STAT6: variants seen among roughly 807,000 people sequenced by gnomAD.
STAT6 encodes the protein STAT, interleukin4-induced.
In STAT6, 45 loss-of-function variants were observed where a neutral mutation model predicts 106.3. The ratio of observed to expected loss-of-function variants is 0.42; its 90% confidence interval spans 0.33 to 0.54. The LOEUF is 0.54. Ranked by LOEUF, STAT6 falls within the 20% of genes least tolerant of loss-of-function variation. The pLI, the probability that STAT6 is intolerant of heterozygous loss-of-function variation, is 0.06. For missense variants in STAT6, 797 were observed against 1,062.2 expected (o/e 0.75, Z 3.47); for synonymous variants, 413 against 413.6 (o/e 1.00, Z 0.02).
chr12:57,105,681 G>C, intron 7 of STAT6, 82 bp from the exon 8 acceptor site: 3 of 1,521,306 alleles, frequency 2.0e-6, no homozygotes, highest in Non-Finnish European at 2.6e-6. Flanking sequence ...TACCCAGGGA[G>C]AAAGGCTATC....
chr12:57,108,639 G>T (rs2034415796), intron 1 of STAT6, among the ~76,000 whole-genome samples: 1 of 152,238 alleles, frequency 6.6e-6, no homozygotes, highest in Non-Finnish European at 1.5e-5. Context: ...CCTTCCCTTT[G>T]TGGGCTTCGA....
chr12:57,100,658 AAGAAAG>A (rs1222863638), intron 13 of STAT6, among the ~76,000 whole-genome samples: 2 of 59,672 alleles, frequency 3.4e-5, no homozygotes, highest in African/African-American at 1.3e-4. Context: ...GAAAGAAAGA[AAGAAAG>A]AAAGAAAGAA....
intron 11 of STAT6, chr12:57,104,192 T>C: frequency 2.2e-6 from 1 of 445,010 alleles, no homozygotes; most frequent in Non-Finnish European, 4.1e-6. Context: ...CAGACGTGTG[T>C]GTGCTGGCAC....
Position 57,096,284 on chromosome 12 carries a change from CGTGT to C in STAT6, c.*284_*287del. The C allele has an allele frequency of 2.4e-6, 1 of 409,236 alleles. No homozygotes were observed. Among genetic ancestry groups the C allele is most frequent in the Non-Finnish European group, 4.4e-6 (1 of 227,160 alleles). The allele number at this position is 409,236 out of a possible 1,614,324, so 25.4% of individuals were successfully genotyped here. A position where few individuals can be genotyped will look rare whatever the true frequency, so the allele number is the denominator to read the frequency against. On this transcript the variant is annotated 3_prime_UTR_variant, in exon 22 of 22. Transcript: ENST00000300134. ...AGAGCTCTGTATGTGTGTGTGCGTG[CGTGT>C]GCGCGCTGCAGGTGCAGGCATGTTG...
intron 13 of STAT6, among the ~76,000 whole-genome samples, 172 bp downstream of exon 13, chr12:57,102,118 A>G (rs1033621070): frequency 4.6e-5 from 7 of 151,920 alleles, no homozygotes; most frequent in African/African-American, 1.7e-4. Context: ...TCCAGAGCCA[A>G]CCCCCAGGCC....
Position 57,100,104 on chromosome 12 carries a change from G to A in STAT6, c.1513-14C>T, listed in dbSNP as rs1275417928. ...CAGCAGGATCTCCTAGGGGGAGAGG[G>A]GGAAAGGTGTGAGCCGAGGGAGGGC... On this transcript the variant is annotated splice_polypyrimidine_tract_variant and intron_variant, in intron 13 of 21. Transcript: ENST00000300134. The A allele has an allele frequency of 4.4e-6, 7 of 1,582,252 alleles. No individual in the cohort carries two copies. Among genetic ancestry groups the A allele is most frequent in the African/African-American group, 1.4e-5 (1 of 73,932 alleles).
intron 2 of STAT6, among the ~76,000 whole-genome samples, 170 bp from the exon 3 acceptor site, chr12:57,107,913 G>A (rs749327368): frequency 8.5e-5 from 13 of 152,188 alleles, no homozygotes; most frequent in African/African-American, 2.9e-4. Flanking sequence ...TAGCTGTTAT[G>A]AGAAGTGCCT....
At position 57,102,424 on chromosome 12, in the gene STAT6, T is replaced by C; in HGVS notation, c.1378A>G (p.Met460Val). 6.2e-7 allele frequency: 1 copy of C among 1,614,118 alleles called. No homozygotes were observed. Among genetic ancestry groups the C allele is most frequent in the Non-Finnish European group, 8.5e-7 (1 of 1,180,010 alleles). Reference sequence around the variant, plus strand: ...CCCCGGTTGGTCCCCACCTCAGCCATGAACTTCAGGTTCAGAGTTTCACAC... The same window carrying C: ...CCCCGGTTGGTCCCCACCTCAGCCACGAACTTCAGGTTCAGAGTTTCACAC... ...KMCETLNLKF[M>V]AEVGTNRGLL... Residue 460 changes from methionine (M) to valine (V), a missense_variant, in exon 13 of 22, where the codon ATG becomes GTG. Around this residue, in one of 4 missense-constraint regions of STAT6, gnomAD observed 222 missense variants for 354.6 expected, o/e 0.63. Coordinates refer to ENST00000300134, the MANE Select transcript of STAT6 (RefSeq NM_003153.5).
At position 57,105,213 on chromosome 12, in the gene STAT6, G is replaced by A. The variant is rs754242223; in HGVS notation, c.939C>T (p.Ala313=). ...GAPAKPPLVR[A]DMVTEKQARE... The stretch of plus-strand genomic sequence containing the variant: ...GCGCCTGCTTCTCTGTCACCATGTC[G>A]GCCCTGACCAGCGGAGGCTTGGCTG... The change falls in exon 9 of 22, where the codon GCC becomes GCT. Residue 313 remains alanine (A), a synonymous_variant. Transcript: ENST00000300134. 6.8e-6 allele frequency: 11 copies of A among 1,613,954 alleles called. No individual in the cohort carries two copies. The highest frequency in any genetic ancestry group is 4.4e-5 in the South Asian group (4 of 91,084).
In STAT6 at chr12:57,102,845, T is replaced by C. The variant is rs1229564909; in HGVS notation, c.1289A>G (p.Asn430Ser). 4 of 1,613,872 alleles carry C rather than the reference T, an allele frequency of 2.5e-6. No individual in the cohort carries two copies. The highest frequency in any genetic ancestry group is 3.4e-6 in the Non-Finnish European group (4 of 1,179,878). The change falls in exon 12 of 22, where the codon AAT becomes AGT. Residue 430 changes from asparagine (N) to serine (S), a missense_variant. Around this residue, in one of 4 missense-constraint regions of STAT6, gnomAD observed 222 missense variants for 354.6 expected, o/e 0.63. Coordinates refer to ENST00000300134, the MANE Select transcript of STAT6 (RefSeq NM_003153.5). ...NNAKATILWD[N>S]AFSEMDRVPF... is the part of the protein sequence containing the mutation. ...TTTCCTCACCATCTCAGAGAAGGCA[T>C]TGTCCCACAGGATAGTGGCTTTGGC...
chr12:57,105,199 T>C lies in STAT6; in HGVS notation c.953A>G (p.Glu318Gly), dbSNP rs1419271155. The C allele has an allele frequency of 3.7e-6, 6 of 1,613,956 alleles. No individual in the cohort carries two copies. Among genetic ancestry groups the C allele is most frequent in the Non-Finnish European group, 5.1e-6 (6 of 1,179,922 alleles). The change falls in exon 9 of 22, where the codon GAG becomes GGG. Residue 318 changes from glutamate to glycine, a missense_variant. Around this residue, in one of 4 missense-constraint regions of STAT6, gnomAD observed 336 missense variants for 429.8 expected, o/e 0.78. Coordinates refer to ENST00000300134, the MANE Select transcript of STAT6 (RefSeq NM_003153.5). The part of the protein sequence containing the change: ...PPLVRADMVT[E>G]KQARELSVPQ... Reference sequence around the variant, plus strand: ...CACACTCAGCTCCCGCGCCTGCTTCTCTGTCACCATGTCGGCCCTGACCAG... The same window carrying C: ...CACACTCAGCTCCCGCGCCTGCTTCCCTGTCACCATGTCGGCCCTGACCAG...
intron 13 of STAT6, among the ~76,000 whole-genome samples, chr12:57,100,640 G>GAAAGAAAGAA (rs2033772880): frequency 1.3e-5 from 1 of 77,970 alleles, no homozygotes; most frequent in South Asian, 4.8e-4. Context: ...AAGAGAAAGA[G>GAAAGAAAGAA]AAAGAAAGAA....
In STAT6 at chr12:57,099,648, A is replaced by G. The variant is rs763509582; in HGVS notation, c.1744+119T>C. On this transcript the variant is annotated intron_variant, in intron 15 of 21. Coordinates refer to ENST00000300134, the MANE Select transcript of STAT6 (RefSeq NM_003153.5). This position sits in a 1 kb window ranked among gnomAD's most constrained non-coding sequence, Gnocchi z 4.7. ...TTTAGACCACAGAAGGAAGAAGAGA[A>G]GCTGGAAGAACTTCCTGAAGATCAG... The G allele has an allele frequency of 2.9e-5, 42 of 1,471,188 alleles. No individual in the cohort carries two copies. The highest frequency in any genetic ancestry group is 3.9e-5 in the Non-Finnish European group (42 of 1,085,382). The allele number at this position is 1,471,188 out of a possible 1,614,324, so 91.1% of individuals were successfully genotyped here.
Position 57,099,831 on chromosome 12 carries a change from G to A in STAT6, c.1680C>T (p.Leu560=), listed in dbSNP as rs1282011270. The change falls in exon 15 of 22, where the codon CTC becomes CTT. Residue 560 remains leucine (L), a synonymous_variant. Transcript: ENST00000300134. This position sits in a 1 kb window ranked among gnomAD's most constrained non-coding sequence, Gnocchi z 4.7. ...LLLNEPDGTF[L]LRFSDSEIGG... is the part of the protein sequence containing the mutation. ...CAATCTCTGAGTCGCTGAAGCGGAG[G>A]AGAAAGGTTCCGTCGGGCTCATTGA... is the stretch of plus-strand genomic sequence containing the variant. The A allele has an allele frequency of 1.2e-6, 2 of 1,614,266 alleles. No homozygotes were observed. The highest frequency in any genetic ancestry group is 2.2e-5 in the East Asian group (1 of 44,894).
intron 13 of STAT6, among the ~76,000 whole-genome samples, chr12:57,100,648 G>GA (rs763800330): frequency 1.5e-5 from 1 of 66,434 alleles, no homozygotes; most frequent in Non-Finnish European, 2.9e-5. Flanking sequence ...GAGAAAGAAA[G>GA]AAAGAAAGAA....
At chr12:57,100,988 G>A (rs929320639) in intron 13 of STAT6, 10 of 352,326 alleles carry the variant, frequency 2.8e-5, no homozygotes, top group Non-Finnish European at 4.1e-5. Context: ...TAAGCACAGC[G>A]CCTGGCATAT....
At chr12:57,097,481 C>G (rs2033524562) in intron 19 of STAT6, among the ~76,000 whole-genome samples, 1 of 152,140 alleles carries the variant, frequency 6.6e-6, no homozygotes. Flanking sequence ...ATGTCTAGGC[C>G]ATTTCAAGGC....
rs1468065259 is a variant in STAT6, at chr12:57,096,610, T to C, written c.2506A>G (p.Met836Val). ...PSHYGQSGIS[M>V]SHMDLRANPS... ...TTGGCCCTTAGGTCCATGTGGGACA[T>C]TGAGATCCCAGATTGCCCATAGTGG... The change falls in exon 22 of 22, where the codon ATG (methionine) becomes GTG (valine). Residue 836 changes from methionine (M) to valine (V), a missense_variant. By Grantham distance (21) the Met-to-Val change is conservative (BLOSUM62 1). Coordinates refer to ENST00000300134, the MANE Select transcript of STAT6 (RefSeq NM_003153.5). The C allele has an allele frequency of 1.2e-6, 2 of 1,607,386 alleles. No homozygotes were observed. The highest frequency in any genetic ancestry group is 1.3e-5 in the African/African-American group (1 of 74,492).
In STAT6 at chr12:57,098,529, A is replaced by T; in HGVS notation, c.2135T>A (p.Val712Asp). 6.2e-7 allele frequency: 1 copy of T among 1,614,158 alleles called. No individual in the cohort carries two copies. Among genetic ancestry groups the T allele is most frequent in the Non-Finnish European group, 8.5e-7 (1 of 1,180,032 alleles). Residue 712 changes from valine to aspartate, a missense_variant, in exon 19 of 22, where the codon GTC becomes GAC. Around this residue, in one of 4 missense-constraint regions of STAT6, gnomAD observed 226 missense variants for 236.7 expected, o/e 0.95. Coordinates refer to ENST00000300134, the MANE Select transcript of STAT6 (RefSeq NM_003153.5). ...PYQGLSPEES[V>D]NVLSAFQEPH... Reference sequence around the variant, plus strand: ...CTCCTGGAAGGCTGACAACACGTTGACTGATTCTTCTGGGGAGAGGCCTTG... The same window carrying T: ...CTCCTGGAAGGCTGACAACACGTTGTCTGATTCTTCTGGGGAGAGGCCTTG...
Sources: allele counts gnomAD v4.1 joint callset (sites outside exome capture counted in the v4.1 genomes callset), GRCh38; gene constraint gnomAD v4.1.1; regional missense constraint gnomAD v4.1.1; non-coding constraint Gnocchi (gnomAD v3.1); transcripts MANE v1.5; gene names NCBI Gene and HGNC (gene_info 2026-07-23, HGNC 2026-07-21).